The following ARID2 variants were observed in gnomAD, a reference collection of about 807,000 sequenced individuals.
ARID2 encodes AT-rich interactive domain-containing protein 2.
Under a neutral mutation model 184.6 loss-of-function variants are expected in ARID2, and 32 were observed. That is an observed-to-expected ratio of 0.17 (90% CI 0.13 to 0.23). The LOEUF (loss-of-function observed/expected upper bound fraction) is 0.23, where lower values mean the gene tolerates loss of function less well. Ranked by LOEUF, ARID2 falls within the 10% of genes least tolerant of loss-of-function variation. The pLI, the probability that ARID2 is intolerant of heterozygous loss-of-function variation, is 1.00. For synonymous variants in ARID2, 836 were observed against 772.6 expected (o/e 1.08, Z -1.36); for missense variants, 1,696 against 2,197.6 (o/e 0.77, Z 4.56).
chr12:45,730,342 C>A (rs933601361), intron 2 of ARID2, among the ~76,000 whole-genome samples: 12 of 146,354 alleles, frequency 8.2e-5, no homozygotes, highest in Non-Finnish European at 1.5e-4. Flanking sequence ...GGGCGCGGGG[C>A]TCCGGCGGGC....
chr12:45,887,710 C>T (rs1282889273), intron 16 of ARID2, among the ~76,000 whole-genome samples: 2 of 152,188 alleles, frequency 1.3e-5, no homozygotes, highest in Admixed American at 6.5e-5. Context: ...TCCCAGCTTA[C>T]CACACAGGAA....
In ARID2 at chr12:45,852,467, T is replaced by A. The variant is rs764705007; in HGVS notation, c.4344T>A (p.Leu1448=). The A allele has an allele frequency of 6.2e-7, 1 of 1,614,030 alleles. No homozygotes were observed. Among genetic ancestry groups the A allele is most frequent in the Admixed American group, 1.7e-5 (1 of 60,004 alleles). Residue 1448 remains leucine, a synonymous_variant, in exon 15 of 21, where the codon CTT becomes CTA. Transcript: ENST00000334344. ...ATQQFSGTDL[L]NGPLASSLNS... ...AGCAATTTAGTGGTACTGATTTGCT[T>A]AATGGACCTCTAGCTTCAAGTTTGA...
intron 3 of ARID2, among the ~76,000 whole-genome samples, chr12:45,771,593 A>T (rs1394368227): frequency 6.6e-6 from 1 of 151,646 alleles, no homozygotes; most frequent in Admixed American, 6.6e-5. Context: ...GGATTGCTTG[A>T]GCTCAGGAGT....
At position 45,837,647 on chromosome 12, in the gene ARID2, A is replaced by G. The variant is rs1476762970; in HGVS notation, c.1270A>G (p.Met424Val). 1.2e-6 allele frequency: 2 copies of G among 1,614,004 alleles called. No homozygotes were observed. Residue 424 changes from methionine (M) to valine (V), a missense_variant, in exon 10 of 21, where the codon ATG becomes GTG. By Grantham distance (21) the Met-to-Val change is conservative. Transcript: ENST00000334344. ...AATCTCAACACTCGAGGTGCTATAC[A>G]TGCTCACGGAAATGGGAGATGTTGC... The part of the protein sequence containing the change: ...LVISTLEVLY[M>V]LTEMGDVACT...
chr12:45,847,285 A>G (rs1565620472), intron 12 of ARID2, among the ~76,000 whole-genome samples: 3 of 152,100 alleles, frequency 2.0e-5, no homozygotes, highest in Non-Finnish European at 4.4e-5. Context: ...TAAAATTAAC[A>G]TTTTGTTAAA....
intron 16 of ARID2, among the ~76,000 whole-genome samples, chr12:45,890,157 T>C (rs1170157197): frequency 6.6e-6 from 1 of 152,118 alleles, no homozygotes; most frequent in East Asian, 1.9e-4. Flanking sequence ...GAGAGAAAAA[T>C]AGACTCTGAG....
chr12:45,904,292 A>G (rs1285011575), intron 20 of ARID2: 2 of 711,632 alleles, frequency 2.8e-6, no homozygotes, highest in Non-Finnish European at 5.2e-6. Flanking sequence ...AAAAGCAACC[A>G]TTTTGTTCCT....
intron 3 of ARID2, among the ~76,000 whole-genome samples, chr12:45,761,996 T>C (rs1257683763): frequency 6.6e-6 from 1 of 152,158 alleles, no homozygotes; most frequent in East Asian, 1.9e-4. Flanking sequence ...AAATTCTTCA[T>C]TGCAATAATT....
At chr12:45,772,986 C>G (rs1347541354) in intron 3 of ARID2, among the ~76,000 whole-genome samples, 1 of 152,082 alleles carries the variant, frequency 6.6e-6, no homozygotes, top group Non-Finnish European at 1.5e-5. Flanking sequence ...ACGGAATATT[C>G]TCTAGGAAAC....
intron 3 of ARID2, among the ~76,000 whole-genome samples, chr12:45,784,600 G>T (rs1942160576): frequency 6.6e-6 from 1 of 152,090 alleles, no homozygotes; most frequent in Non-Finnish European, 1.5e-5. Flanking sequence ...GGAGGAGGAG[G>T]TTGCACTGAG....
At chr12:45,848,082 G>C (rs950556561) in intron 12 of ARID2, among the ~76,000 whole-genome samples, 2 of 151,834 alleles carry the variant, frequency 1.3e-5, no homozygotes, top group African/African-American at 2.4e-5. Context: ...TTCTTGGAGA[G>C]GGGGAAGAGA....
intron 20 of ARID2, among the ~76,000 whole-genome samples, chr12:45,895,904 G>A (rs1202268881): frequency 6.6e-6 from 1 of 152,084 alleles, no homozygotes; most frequent in East Asian, 1.9e-4. Context: ...GAGAAGATTT[G>A]TAAACTGAAA....
At chr12:45,883,066 T>A (rs1367521736) in intron 16 of ARID2, among the ~76,000 whole-genome samples, 1 of 152,182 alleles carries the variant, frequency 6.6e-6, no homozygotes, top group Non-Finnish European at 1.5e-5. Flanking sequence ...TACTAGATAT[T>A]TTGCTAATAT....
chr12:45,738,527 C>T (rs910027198), intron 3 of ARID2, among the ~76,000 whole-genome samples: 4 of 152,210 alleles, frequency 2.6e-5, no homozygotes, highest in African/African-American at 9.6e-5. Context: ...CCAAGCTGGT[C>T]TACAAACTCC....
At chr12:45,808,119 C>T (rs185386088) in intron 3 of ARID2, among the ~76,000 whole-genome samples, 93 of 152,264 alleles carry the variant, frequency 6.1e-4, no homozygotes, top group East Asian at 5.6e-3. Flanking sequence ...GAAAGATGTG[C>T]AGTCTAGCAT....
At chr12:45,824,647 G>T (rs949871520) in intron 6 of ARID2, among the ~76,000 whole-genome samples, 8 of 151,918 alleles carry the variant, frequency 5.3e-5, no homozygotes, top group Admixed American at 2.6e-4. Flanking sequence ...TAATAATGTG[G>T]ATAAAAGGGA....
intron 16 of ARID2, among the ~76,000 whole-genome samples, chr12:45,872,759 A>G (rs1032511652): frequency 6.6e-6 from 1 of 152,108 alleles, no homozygotes; most frequent in Non-Finnish European, 1.5e-5. Flanking sequence ...TATGATTTCT[A>G]TTCTTTTAAA....
In ARID2 at chr12:45,907,849, T is replaced by A. The variant is rs1944550735; in HGVS notation, c.*2771T>A. ...GTGCTCTGTTGGCACTCAATAAATT[T>A]TAAGTAACAAAATTGATAATCATAT... On this transcript the variant is annotated 3_prime_UTR_variant, in exon 21 of 21. Coordinates refer to ENST00000334344, the MANE Select transcript of ARID2 (RefSeq NM_152641.4). 4.3e-6 allele frequency: 1 copy of A among 231,870 alleles called. No individual in the cohort carries two copies. The highest frequency in any genetic ancestry group is 2.2e-5 in the African/African-American group (1 of 45,250). 14.4% of individuals were successfully genotyped at this position (231,870 alleles called of 1,614,324 possible). A position where few individuals can be genotyped will look rare whatever the true frequency, so the allele number is the denominator to read the frequency against.
intron 3 of ARID2, among the ~76,000 whole-genome samples, chr12:45,810,490 TAA>T (rs1386956617): frequency 6.6e-6 from 1 of 152,154 alleles, no homozygotes; most frequent in Non-Finnish European, 1.5e-5. Context: ...GTGTACAGAT[TAA>T]GTTTATTACC....
Sources: allele counts gnomAD v4.1 joint callset (sites outside exome capture counted in the v4.1 genomes callset), GRCh38; gene constraint gnomAD v4.1.1; transcripts MANE v1.5; gene names NCBI Gene and HGNC (gene_info 2026-07-23, HGNC 2026-07-21).